Variants in DNAH17 observed in about 807,000 individuals in gnomAD.
The protein encoded by DNAH17 is dynein axonemal heavy chain 17.
In DNAH17, 376 loss-of-function variants were observed where a neutral mutation model predicts 485.6. The ratio of observed to expected loss-of-function variants is 0.77; its 90% CI spans 0.71 to 0.84. The LOEUF is 0.84. Ranked by LOEUF, DNAH17 falls within the 40% of genes least tolerant of loss-of-function variation. The pLI is 0.00. For missense variants in DNAH17, 6,370 were observed against 5,839.3 expected, an observed-to-expected ratio of 1.09 and a Z score of -2.96; for synonymous variants, 3,031 against 2,405.9, an observed-to-expected ratio of 1.26 and a Z score of -7.60.
intron 73 of DNAH17, among the ~76,000 whole-genome samples, chr17:78,438,699 A>G (rs2086952984): frequency 6.6e-6 from 1 of 151,726 alleles, no homozygotes; most frequent in Admixed American, 6.6e-5. Flanking sequence ...GGGTTTCGCC[A>G]TGTTGGTCAG....
chr17:78,468,699 G>T lies in DNAH17; in HGVS notation c.8696C>A (p.Pro2899His), dbSNP rs776814670. ...ATTCATGCCAAGGGACTTGACTTGG[G>T]GTCGCATGGAGGAGATGATGTTCTC... is the stretch of plus-strand genomic sequence containing the variant. ...EVENIISSMR[P>H]QVKSLGMNDT... Residue 2899 changes from proline to histidine, a missense_variant, in exon 55 of 81, where the codon CCC becomes CAC. By Grantham distance (77) the Pro-to-His change is moderately conservative (BLOSUM62 -2). Transcript: ENST00000389840. The T allele has an allele frequency of 3.7e-6, 6 of 1,613,994 alleles. No individual in the cohort carries two copies. The East Asian group carries it at 1.3e-4, about 36-fold the overall frequency.
Position 78,561,826 on chromosome 17 carries a change from A to T in DNAH17, c.1724T>A (p.Ile575Asn). ...AGGCATGTTTTTGTGGATCAGGGGGATGTTCCCCTCCTCGGAGGCCGCCAT... is the reference window on the plus strand; with the variant it reads ...AGGCATGTTTTTGTGGATCAGGGGGTTGTTCCCCTCCTCGGAGGCCGCCAT... ...AQMAASEEGNIPLIHKNMPPV... is the reference protein window; with the variant it reads ...AQMAASEEGNNPLIHKNMPPV... Residue 575 changes from isoleucine (I) to asparagine (N), a missense_variant, in exon 12 of 81, where the codon ATC (isoleucine) becomes AAC (asparagine). Physicochemically the swap from Ile to Asn is moderately radical, Grantham distance 149. Coordinates refer to ENST00000389840, the MANE Select transcript of DNAH17 (RefSeq NM_173628.4). 6.2e-7 allele frequency: 1 copy of T among 1,613,766 alleles called. No homozygotes were observed. Among genetic ancestry groups the T allele is most frequent in the East Asian group, 2.2e-5 (1 of 44,874 alleles).
intron 51 of DNAH17, 143 bp from the exon 52 acceptor site, chr17:78,476,876 A>G (rs1264676118): frequency 9.7e-7 from 1 of 1,026,530 alleles, no homozygotes; most frequent in Non-Finnish European, 1.4e-6. Context: ...ACTTGGGGCC[A>G]GGGAAGCCAC....
In DNAH17 at chr17:78,459,044, G is replaced by A. The variant is rs1568081557; in HGVS notation, c.9818C>T (p.Ala3273Val). ...QALEEANAEL[A>V]EAQEKLSRIK... Reference sequence around the variant, plus strand: ...CCGGGACAGCTTCTCTTGTGCCTCTGCCAGCTCTGCATTAGCCTCCTCCAG... The same window carrying A: ...CCGGGACAGCTTCTCTTGTGCCTCTACCAGCTCTGCATTAGCCTCCTCCAG... Residue 3273 changes from alanine (A) to valine (V), a missense_variant, in exon 61 of 81, where the codon GCA becomes GTA. Physicochemically the swap from Ala to Val is moderately conservative, Grantham distance 64. Transcript: ENST00000389840. 2.5e-6 allele frequency: 4 copies of A among 1,614,050 alleles called. No individual in the cohort carries two copies. The highest frequency in any genetic ancestry group is 1.1e-5 in the South Asian group (1 of 91,092).
chr17:78,558,445 CACTGACATCACCCTCATGGGTG>C (rs1449731939), intron 13 of DNAH17, among the ~76,000 whole-genome samples, 191 bp from the exon 14 acceptor site: 5 of 63,640 alleles, frequency 7.9e-5, no homozygotes, highest in Non-Finnish European at 1.7e-4. Context: ...AGCCGGAAAG[CACTGACATCACCCTCATGGGTG>C]GATGACATCA....
intron 17 of DNAH17, among the ~76,000 whole-genome samples, chr17:78,542,267 C>T (rs532499209): frequency 6.6e-6 from 1 of 152,102 alleles, no homozygotes; most frequent in South Asian, 2.1e-4. Context: ...CCTGCCTCAG[C>T]CTCCCAAGTA....
At chr17:78,559,067 T>C (rs915120570) in intron 13 of DNAH17, among the ~76,000 whole-genome samples, 1 of 152,210 alleles carries the variant, frequency 6.6e-6, no homozygotes, top group Non-Finnish European at 1.5e-5. Context: ...CCTTCTCAAT[T>C]TACCCTCAGT....
In DNAH17 at chr17:78,537,308, C is replaced by T. The variant is rs2091404475; in HGVS notation, c.2850G>A (p.Met950Ile). ...RLIPRLAKDR[M>I]NYKMDLEDNT... Reference sequence around the variant, plus strand: ...AGAGGCCAGGACTGACCTTGTAGTTCATCCTGTCCTTGGCCAGCCGAGGGA... The same window carrying T: ...AGAGGCCAGGACTGACCTTGTAGTTTATCCTGTCCTTGGCCAGCCGAGGGA... Residue 950 changes from methionine (M) to isoleucine (I), a missense_variant, in exon 19 of 81, where the codon ATG (methionine) becomes ATA (isoleucine). By Grantham distance (10) the Met-to-Ile change is conservative. Transcript: ENST00000389840. 3 of 1,564,630 alleles carry T rather than the reference C, an allele frequency of 1.9e-6. No individual in the cohort carries two copies. The highest frequency in any genetic ancestry group is 1.7e-6 in the Non-Finnish European group (2 of 1,154,702).
In DNAH17 at chr17:78,426,989, T is replaced by C; in HGVS notation, c.12708A>G (p.Glu4236=). The C allele has an allele frequency of 6.2e-7, 1 of 1,610,722 alleles. No individual in the cohort carries two copies. ...PYVVVAFQEC[E]RMNILTNEMR... ...TTTCGTTGGTCAGGATGTTCATTCTTTCACATTCTTGAAAGGCGACTACCA... is the reference window on the plus strand; with the variant it reads ...TTTCGTTGGTCAGGATGTTCATTCTCTCACATTCTTGAAAGGCGACTACCA... The change falls in exon 78 of 81, where the codon GAA becomes GAG. Residue 4236 remains glutamate, a synonymous_variant. Coordinates refer to ENST00000389840, the MANE Select transcript of DNAH17 (RefSeq NM_173628.4).
chr17:78,441,103 G>T lies in DNAH17; in HGVS notation c.11625C>A (p.Ile3875=), dbSNP rs1276704517. 2.5e-6 allele frequency: 4 copies of T among 1,613,320 alleles called. No individual in the cohort carries two copies. The highest frequency in any genetic ancestry group is 2.2e-5 in the East Asian group (1 of 44,892). Residue 3875 remains isoleucine, a synonymous_variant, in exon 72 of 81, where the codon ATC becomes ATA. Coordinates refer to ENST00000389840, the MANE Select transcript of DNAH17 (RefSeq NM_173628.4). The stretch of plus-strand genomic sequence containing the variant: ...CAACCCCCGGGGAGAGGATGAAGAA[G>T]ATTGACGTGGAGGGGCTGCTCTCCT... ...SYEESSPSTS[I]FFILSPGVDP... is the part of the protein sequence containing the mutation.
Position 78,424,223 on chromosome 17 carries a change from G to A in DNAH17, c.13142-70C>T. The A allele has an allele frequency of 3.3e-6, 5 of 1,536,114 alleles. No individual in the cohort carries two copies. The East Asian group carries it at 1.1e-4, about 35-fold the overall frequency. On this transcript the variant is annotated intron_variant, in intron 80 of 80. Transcript: ENST00000389840. ...TGAGGGAGGGGCTGGCAGGAAGGGT[G>A]GGGTCCTCACACTCCCCGCCCTCTG...
chr17:78,538,534 C>G (rs1326792216), intron 18 of DNAH17, among the ~76,000 whole-genome samples: 3 of 152,160 alleles, frequency 2.0e-5, no homozygotes, highest in South Asian at 2.1e-4. Flanking sequence ...GGGGCTGTAT[C>G]AGTATCTGAG....
chr17:78,502,864 C>G, intron 32 of DNAH17, 22 bp downstream of exon 32: 1 of 1,609,086 alleles, frequency 6.2e-7, no homozygotes, highest in Non-Finnish European at 8.5e-7. Flanking sequence ...GAGGCGCCGC[C>G]GAGCCCCCAC....
chr17:78,431,645 A>T (rs746432379), intron 75 of DNAH17, among the ~76,000 whole-genome samples: 165 of 152,084 alleles, frequency 1.1e-3, no homozygotes, highest in South Asian at 2.7e-3. Context: ...CCCGGTGGTC[A>T]CTCAGCGTGT....
In DNAH17 at chr17:78,484,476, T is replaced by C. The variant is rs542453137; in HGVS notation, c.7649+392A>G. On this transcript the variant is annotated intron_variant, in intron 48 of 80. Coordinates refer to ENST00000389840, the MANE Select transcript of DNAH17 (RefSeq NM_173628.4). The stretch of plus-strand genomic sequence containing the variant: ...CCCAGCTGGGAGGCTCCTCTGTGAC[T>C]GCACTGGGGGTTTTCCTCAGGGCTC... Among the ~76,000 whole-genome samples the C allele has an allele frequency of 1.3e-4, 20 of 152,258 alleles. No individual in the cohort carries two copies. In the South Asian group the frequency reaches 3.5e-3, roughly 27 times the overall value.
At chr17:78,558,080 C>G (rs1033527521) in intron 14 of DNAH17, 28 bp downstream of exon 14, 2 of 1,583,270 alleles carry the variant, frequency 1.3e-6, no homozygotes, top group African/African-American at 1.4e-5. Flanking sequence ...AAAGCTGCAT[C>G]AGGAATAGTA....
chr17:78,484,742 C>CCCCCGCCG, intron 48 of DNAH17, 126 bp downstream of exon 48: 1 of 322,918 alleles, frequency 3.1e-6, no homozygotes. Flanking sequence ...TTGCAGCACC[C>CCCCCGCCG]CCCCCACCGC....
At position 78,569,277 on chromosome 17, in the gene DNAH17, G is replaced by A. The variant is rs762101673; in HGVS notation, c.1198-25C>T. ...CCTTAGAGGAGAGAAAGAGAGATGA[G>A]GCCACGTTTGCTTCAAATGTCCCAA... On this transcript the variant is annotated intron_variant, in intron 8 of 80. Transcript: ENST00000389840. 1.9e-5 allele frequency: 30 copies of A among 1,595,990 alleles called. No homozygotes were observed. The Admixed American group carries it at 3.9e-4, about 21-fold the overall frequency.
At chr17:78,466,593 C>A (rs2088470122) in intron 56 of DNAH17, 62 bp downstream of exon 56, 1 of 1,488,248 alleles carries the variant, frequency 6.7e-7, no homozygotes, top group Admixed American at 2.1e-5. Context: ...GGGAGCCAGC[C>A]CTTGGGCCTG....
Sources: gnomAD v4.1 joint callset for allele counts (sites outside exome capture counted in the v4.1 genomes callset) on GRCh38, gnomAD v4.1.1 for gene constraint, MANE v1.5 for transcripts, NCBI Gene and HGNC (gene_info 2026-07-23, HGNC 2026-07-21) for gene names.